COL4A2: variants seen among roughly 807,000 people sequenced by gnomAD.
COL4A2 encodes the protein collagen type IV alpha 2 chain, also known as collagen alpha-2(IV) chain.
A neutral mutation model predicts 200.2 loss-of-function variants in COL4A2; 99 were observed. The observed-to-expected ratio is 0.49, with a 90% CI of 0.42 to 0.58. The LOEUF is 0.58. COL4A2 is among the 20% of genes least tolerant of loss of function. The pLI, the probability that COL4A2 is intolerant of heterozygous loss-of-function variation, is 0.00. For missense variants in COL4A2, 1,950 were observed against 2,314.1 expected (o/e 0.84, Z 3.23); for synonymous variants, 897 against 900.6 (o/e 1.00, Z 0.07).
rs1883348960 is a variant in COL4A2 at position 110,493,243 on chromosome 13, C to T, written c.3595C>T (p.His1199Tyr). 1 of 1,614,214 alleles carries T rather than the reference C, an allele frequency of 6.2e-7. No individual in the cohort carries two copies. Among genetic ancestry groups the T allele is most frequent in the East Asian group, 2.2e-5 (1 of 44,880 alleles). Residue 1199 changes from histidine (H) to tyrosine (Y), a missense_variant, in exon 39 of 48, where the codon CAC (histidine) becomes TAC (tyrosine). Physicochemically the swap from His to Tyr is moderately conservative, Grantham distance 83. Coordinates refer to ENST00000360467, the MANE Select transcript of COL4A2 (RefSeq NM_001846.4). The part of the protein sequence containing the change: ...FPGLRGIRGL[H>Y]GLPGTKGFPG... ...GGGACTCCGTGGGATCCGCGGCTTA[C>T]ACGGCTTGCCAGGCACCAAGGGCTT...
chr13:110,510,137 C>T (rs1311707429), intron 47 of COL4A2, among the ~76,000 whole-genome samples: 3 of 152,250 alleles, frequency 2.0e-5, no homozygotes, highest in South Asian at 2.1e-4. Flanking sequence ...ACTGCCCCAC[C>T]GTCCCCAGTG....
chr13:110,445,021 A>G (rs552869331), intron 16 of COL4A2, among the ~76,000 whole-genome samples: 1 of 152,076 alleles, frequency 6.6e-6, no homozygotes, highest in Non-Finnish European at 1.5e-5. Flanking sequence ...CGGTTACATT[A>G]TGTATTTTTT....
intron 3 of COL4A2, among the ~76,000 whole-genome samples, chr13:110,342,647 T>A (rs2139372971): frequency 6.6e-6 from 1 of 152,234 alleles, no homozygotes; most frequent in Admixed American, 6.5e-5. Flanking sequence ...ATTTTTTAAA[T>A]GAGGACCCTG....
chr13:110,450,445 G>A lies in COL4A2; in HGVS notation c.1330G>A (p.Gly444Arg), dbSNP rs1224929858. 3 of 1,613,696 alleles carry A rather than the reference G, an allele frequency of 1.9e-6. No individual in the cohort carries two copies. Among genetic ancestry groups the A allele is most frequent in the African/African-American group, 1.3e-5 (1 of 74,914 alleles). The change falls in exon 20 of 48, where the codon GGA becomes AGA. Residue 444 changes from glycine to arginine, a missense_variant. Physicochemically the swap from Gly to Arg is moderately radical, Grantham distance 125 (BLOSUM62 -2). Transcript: ENST00000360467. ...ACCCCCCGGGCTCCCTGGACCACCTGGACCTGATGGTGAGTGGAGGGAAAC... is the reference window on the plus strand; with the variant it reads ...ACCCCCCGGGCTCCCTGGACCACCTAGACCTGATGGTGAGTGGAGGGAAAC... ...PGPPGLPGPP[G>R]PDGFLFGLKG... is the part of the protein sequence containing the mutation.
chr13:110,392,455 G>C (rs979338896), intron 4 of COL4A2, among the ~76,000 whole-genome samples: 1 of 152,178 alleles, frequency 6.6e-6, no homozygotes, highest in African/African-American at 2.4e-5. Context: ...GGACCCTCGA[G>C]GGCAGTGGGA....
At position 110,310,954 on chromosome 13, in the gene COL4A2, G is replaced by A. The variant is rs972268188; in HGVS notation, c.99+2831G>A. 7.2e-5 allele frequency among the ~76,000 whole-genome samples: 11 copies of A among 152,162 alleles called. 1 individual carries two copies. Among genetic ancestry groups the A allele is most frequent in the Admixed American group, 2.0e-4 (3 of 15,286 alleles). ...TCCTGTCTTTGTAACTGAATGAGAC[G>A]GATTAGAACCCAGGCCTCTTCCTCC... On this transcript the variant is annotated intron_variant, in intron 3 of 47. Transcript: ENST00000360467.
intron 10 of COL4A2, 85 bp from the exon 11 acceptor site, chr13:110,432,240 A>G (rs1378267200): frequency 6.1e-6 from 9 of 1,483,124 alleles, no homozygotes; most frequent in Admixed American, 2.5e-5. Context: ...TATACAGTCA[A>G]TGGCTTTCCC....
chr13:110,438,187 TTTTACACTGTA>T, intron 14 of COL4A2, 150 bp downstream of exon 14: 1 of 647,402 alleles, frequency 1.5e-6, no homozygotes, highest in Middle Eastern at 4.2e-4. Flanking sequence ...TAGCATGCAT[TTTTACACTGTA>T]TTTTAAGAAG....
At chr13:110,402,815 A>G (rs1245957361) in intron 4 of COL4A2, among the ~76,000 whole-genome samples, 1 of 152,046 alleles carries the variant, frequency 6.6e-6, no homozygotes, top group Non-Finnish European at 1.5e-5. Flanking sequence ...TCTCCAGGGC[A>G]TCCCTTGGAA....
chr13:110,424,607 T>C (rs1257871443), intron 4 of COL4A2, 127 bp from the exon 5 acceptor site: 1 of 570,762 alleles, frequency 1.8e-6, no homozygotes, highest in Admixed American at 3.3e-5. Context: ...AGTTTACATA[T>C]AATGTTCCCT....
At chr13:110,379,438 T>G (rs1878374683) in intron 4 of COL4A2, among the ~76,000 whole-genome samples, 1 of 152,234 alleles carries the variant, frequency 6.6e-6, no homozygotes, top group Admixed American at 6.5e-5. Flanking sequence ...ATTTCTTTCA[T>G]GTACTCAGCA....
Position 110,450,426 on chromosome 13 carries a change from C to A in COL4A2, c.1311C>A (p.Pro437=). 6.2e-7 allele frequency: 1 copy of A among 1,613,846 alleles called. No individual in the cohort carries two copies. Among genetic ancestry groups the A allele is most frequent in the Non-Finnish European group, 8.5e-7 (1 of 1,179,940 alleles). ...PDGKRGPPGP[P]GLPGPPGPDG... is the part of the protein sequence containing the mutation. ...GAAAGCGAGGGCCTCCAGGACCCCCCGGGCTCCCTGGACCACCTGGACCTG... is the reference window on the plus strand; with the variant it reads ...GAAAGCGAGGGCCTCCAGGACCCCCAGGGCTCCCTGGACCACCTGGACCTG... The change falls in exon 20 of 48, where the codon CCC becomes CCA. Residue 437 remains proline (P), a synonymous_variant. Coordinates refer to ENST00000360467, the MANE Select transcript of COL4A2 (RefSeq NM_001846.4).
intron 4 of COL4A2, among the ~76,000 whole-genome samples, chr13:110,393,012 A>T (rs769469791): frequency 6.6e-6 from 1 of 152,228 alleles, no homozygotes; most frequent in Non-Finnish European, 1.5e-5. Flanking sequence ...ACTCACAGTG[A>T]TTCAGCAAAT....
rs1884118998 is a variant in COL4A2 at position 110,512,385 on chromosome 13, C to T, written c.*194C>T. The T allele has an allele frequency of 1.1e-6, 1 of 926,958 alleles. No homozygotes were observed. The highest frequency in any genetic ancestry group is 3.0e-5 in the Admixed American group (1 of 33,798). The allele number at this position is 926,958 out of a possible 1,614,324, so 57.4% of individuals were successfully genotyped here. ...GCAAGCACTCGGGGTCCCTGGAGGG[C>T]AAGCCCTGCCCACAGAAAGCCAGGA... On this transcript the variant is annotated 3_prime_UTR_variant, in exon 48 of 48. Coordinates refer to ENST00000360467, the MANE Select transcript of COL4A2 (RefSeq NM_001846.4).
At chr13:110,497,220 A>G (rs993797866) in intron 40 of COL4A2, among the ~76,000 whole-genome samples, 2 of 147,180 alleles carry the variant, frequency 1.4e-5, no homozygotes, top group African/African-American at 5.1e-5. Flanking sequence ...CACCAGCACA[A>G]CGTCACTCAG....
intron 20 of COL4A2, 40 bp downstream of exon 20, chr13:110,450,494 T>G: frequency 6.2e-7 from 1 of 1,608,222 alleles, no homozygotes; most frequent in Non-Finnish European, 8.5e-7. Flanking sequence ...TAGCCTAATG[T>G]TCAGATGAAG....
In COL4A2 at chr13:110,418,171, T is replaced by C. The variant is rs200936811; in HGVS notation, c.181-6563T>C. Among the ~76,000 whole-genome samples, 23 of 152,360 alleles carry C rather than the reference T, an allele frequency of 1.5e-4. No individual in the cohort carries two copies. In the East Asian group the frequency reaches 4.2e-3, roughly 28 times the overall value. On this transcript the variant is annotated intron_variant, in intron 4 of 47. Coordinates refer to ENST00000360467, the MANE Select transcript of COL4A2 (RefSeq NM_001846.4). ...AGCATCTTTTCATGTGTACAACTTA[T>C]TTGGTGCAGTGTCTGCTCAAATCTT...
chr13:110,511,863 G>A, intron 47 of COL4A2, 71 bp from the exon 48 acceptor site: 1 of 1,607,340 alleles, frequency 6.2e-7, no homozygotes, highest in East Asian at 2.2e-5. Context: ...CACAGAAGAG[G>A]GCTATGCCCT....
At chr13:110,432,748 ATTC>A (rs1165188833) in intron 11 of COL4A2, among the ~76,000 whole-genome samples, 4 of 152,238 alleles carry the variant, frequency 2.6e-5, no homozygotes, top group African/African-American at 9.6e-5. Flanking sequence ...GGCCAATGTC[ATTC>A]TTCTTATCTG....
Sources: gnomAD v4.1 joint callset for allele counts (sites outside exome capture counted in the v4.1 genomes callset) on GRCh38, gnomAD v4.1.1 for gene constraint, MANE v1.5 for transcripts, NCBI Gene and HGNC (gene_info 2026-07-23, HGNC 2026-07-21) for gene names.